The following DMD variants were observed in gnomAD, a reference collection of about 807,000 sequenced individuals.
The protein encoded by DMD is dystrophin.
Under a neutral mutation model 330.1 loss-of-function variants are expected in DMD, and 63 were observed. The ratio of observed to expected loss-of-function variants is 0.19; its 90% CI spans 0.16 to 0.24. DMD has a LOEUF of 0.24. DMD is among the 10% of genes least tolerant of loss of function. The pLI is 1.00. For missense variants in DMD, 3,344 were observed against 2,684.1 expected, an observed-to-expected ratio of 1.25 and a Z score of -5.43; for synonymous variants, 1,223 against 959.8, an observed-to-expected ratio of 1.27 and a Z score of -5.07.
intron 7 of DMD, among the ~76,000 whole-genome samples, chrX:32,764,216 C>G (rs2072684483): frequency 9.0e-6 from 1 of 110,678 alleles, no homozygotes; most frequent in Non-Finnish European, 1.9e-5. Flanking sequence ...TAAATTTACA[C>G]TATAAAACTC....
intron 44 of DMD, among the ~76,000 whole-genome samples, chrX:32,073,122 G>A (rs2096313890): frequency 8.9e-6 from 1 of 111,896 alleles, no homozygotes; most frequent in Non-Finnish European, 1.9e-5. Context: ...GACATGGGAT[G>A]AATTGGGATT....
intron 30 of DMD, among the ~76,000 whole-genome samples, chrX:32,395,845 T>C (rs1569560935): frequency 9.0e-6 from 1 of 111,465 alleles, no homozygotes; most frequent in Non-Finnish European, 1.9e-5. Flanking sequence ...AGAATTACTA[T>C]CTAGATGAGG....
At chrX:31,717,397 A>G (rs976178965) in intron 52 of DMD, among the ~76,000 whole-genome samples, 2 of 111,980 alleles carry the variant, frequency 1.8e-5, no homozygotes, top group African/African-American at 6.5e-5. Context: ...ATTTATTGCT[A>G]TGTCTCTTAA....
At chrX:33,178,834 G>A (rs2049814675) in intron 1 of DMD, among the ~76,000 whole-genome samples, 1 of 111,623 alleles carries the variant, frequency 9.0e-6, no homozygotes, top group Non-Finnish European at 1.9e-5. Context: ...AGTTGCTCTT[G>A]TCTTTTTGAG....
chrX:32,469,842 T>G (rs1044642942), intron 22 of DMD, among the ~76,000 whole-genome samples: 15 of 111,411 alleles, frequency 1.3e-4, no homozygotes, highest in African/African-American at 4.9e-4. Context: ...CCTACCTATC[T>G]AATCCATCCA....
intron 43 of DMD, among the ~76,000 whole-genome samples, chrX:32,285,304 C>T (rs1044599023): frequency 1.8e-5 from 2 of 112,271 alleles, no homozygotes; most frequent in Non-Finnish European, 3.8e-5. Context: ...GAATGAACAT[C>T]CCAAAAGATG....
intron 50 of DMD, among the ~76,000 whole-genome samples, chrX:31,817,780 G>A (rs2092669121): frequency 9.0e-6 from 1 of 111,331 alleles, no homozygotes; most frequent in Non-Finnish European, 1.9e-5. Flanking sequence ...ATCTCTCATG[G>A]CTTCCATCAC....
chrX:31,795,651 T>C (rs756015666), intron 50 of DMD, among the ~76,000 whole-genome samples: 2 of 112,228 alleles, frequency 1.8e-5, no homozygotes, highest in Non-Finnish European at 3.8e-5. Context: ...GTGCATTCTC[T>C]TTCTTGCAGC....
intron 1 of DMD, among the ~76,000 whole-genome samples, chrX:33,032,799 TTCCACCTTGTGCCAAATACTGAAA>T (rs763583437): frequency 1.7e-4 from 19 of 112,521 alleles, no homozygotes; most frequent in African/African-American, 5.2e-4. Context: ...GCCTGCTCAT[TTCCACCTTGTGCCAAATACTGAAA>T]GCACTTAAAA....
intron 42 of DMD, among the ~76,000 whole-genome samples, chrX:32,299,333 AAGCCCATCTTTT>A (rs1414865486): frequency 9.0e-6 from 1 of 110,974 alleles, no homozygotes; most frequent in Non-Finnish European, 1.9e-5. Flanking sequence ...GGACACTTTC[AAGCCCATCTTTT>A]AGCCCATCTT....
At chrX:32,145,723 A>G (rs1244592659) in intron 44 of DMD, among the ~76,000 whole-genome samples, 1 of 112,120 alleles carries the variant, frequency 8.9e-6, no homozygotes, top group East Asian at 2.8e-4. Flanking sequence ...CTTGTGAATT[A>G]TAAGCCTTAA....
chrX:31,422,588 G>C (rs2063502784), intron 60 of DMD, among the ~76,000 whole-genome samples: 1 of 111,682 alleles, frequency 9.0e-6, no homozygotes, highest in Non-Finnish European at 1.9e-5. Context: ...TGAATTTGTT[G>C]TCACTGAAAT....
At chrX:32,698,369 C>A (rs1014148846) in intron 8 of DMD, among the ~76,000 whole-genome samples, 2 of 111,219 alleles carry the variant, frequency 1.8e-5, no homozygotes, top group Non-Finnish European at 3.8e-5. Flanking sequence ...AGGTCCATAC[C>A]CTGGAAAGGA....
intron 74 of DMD, among the ~76,000 whole-genome samples, chrX:31,163,281 T>C (rs1389170653): frequency 9.0e-6 from 1 of 111,347 alleles, no homozygotes; most frequent in African/African-American, 3.3e-5. Flanking sequence ...GTAACTCTCA[T>C]GAGATCTGAT....
chrX:33,033,710 T>C (rs1351600989), intron 1 of DMD, among the ~76,000 whole-genome samples: 2 of 109,016 alleles, frequency 1.8e-5, no homozygotes, highest in African/African-American at 6.7e-5. Flanking sequence ...AGAGCGAGAC[T>C]CCGTCTCAAA....
At chrX:32,885,499 C>T (rs2084429554) in intron 2 of DMD, among the ~76,000 whole-genome samples, 1 of 111,252 alleles carries the variant, frequency 9.0e-6, no homozygotes, top group African/African-American at 3.3e-5. Context: ...AGAAAACATG[C>T]ACATTACTTT....
Position 31,173,067 on chromosome X carries a change from A to C in DMD, c.10328+472T>G, listed in dbSNP as rs1220993639. Among the ~76,000 whole-genome samples, 3 of 111,964 alleles carry C rather than the reference A, an allele frequency of 2.7e-5. 1 individual carries two copies. The highest frequency in any genetic ancestry group is 9.7e-5 in the African/African-American group (3 of 30,830). On this transcript the variant is annotated intron_variant, in intron 72 of 78. Coordinates refer to ENST00000357033, the MANE Select transcript of DMD (RefSeq NM_004006.3). ...AGTTTTTAGGTATAAAAATCATCTC[A>C]AACACAAAGAAGGTGAGACAGAAAA... is the stretch of plus-strand genomic sequence containing the variant.
intron 30 of DMD, among the ~76,000 whole-genome samples, chrX:32,402,293 G>A (rs973260978): frequency 9.0e-6 from 1 of 111,198 alleles, no homozygotes; most frequent in East Asian, 2.8e-4. Context: ...ATATATAATA[G>A]TAATTGATAT....
intron 1 of DMD, among the ~76,000 whole-genome samples, chrX:33,302,948 C>T (rs1340385997): frequency 1.8e-5 from 2 of 111,755 alleles, no homozygotes; most frequent in African/African-American, 3.3e-5. Flanking sequence ...TCCCTCACAG[C>T]CCCTGGAAAA....
Sources: gnomAD v4.1 joint callset for allele counts (sites outside exome capture counted in the v4.1 genomes callset) on GRCh38, gnomAD v4.1.1 for gene constraint, MANE v1.5 for transcripts, NCBI Gene and HGNC (gene_info 2026-07-23, HGNC 2026-07-21) for gene names.